Variants in TMEM108 observed in about 807,000 individuals in gnomAD.
The protein encoded by TMEM108 is cancer/testis antigen 124.
Under a neutral mutation model 35.1 loss-of-function variants are expected in TMEM108, and 12 were observed. The ratio of observed to expected loss-of-function variants is 0.34; its 90% CI spans 0.22 to 0.55. The LOEUF is 0.55. Among genes scored for constraint, TMEM108 ranks in the 20% least tolerant of loss-of-function variants. The probability of loss-of-function intolerance (pLI) is 0.89; values close to 1 mark genes in which losing one functional copy is unlikely to be tolerated. For missense variants in TMEM108, 680 were observed against 753.3 expected, an observed-to-expected ratio of 0.90 and a Z score of 1.14; for synonymous variants, 287 against 308.6, an observed-to-expected ratio of 0.93 and a Z score of 0.73.
intron 2 of TMEM108, among the ~76,000 whole-genome samples, chr3:133,146,115 C>G (rs1205124972): frequency 1.3e-5 from 2 of 152,128 alleles, no homozygotes; most frequent in African/African-American, 4.8e-5. Context: ...TCATAAATAG[C>G]TCTTATTGTT....
At chr3:133,108,193 T>C (rs953218396) in intron 2 of TMEM108, among the ~76,000 whole-genome samples, 1 of 152,178 alleles carries the variant, frequency 6.6e-6, no homozygotes, top group Non-Finnish European at 1.5e-5. Flanking sequence ...ATCACACCGC[T>C]GTACTCCAGC....
At chr3:133,114,793 G>A (rs1352941128) in intron 2 of TMEM108, among the ~76,000 whole-genome samples, 2 of 152,094 alleles carry the variant, frequency 1.3e-5, no homozygotes, top group Non-Finnish European at 2.9e-5. Context: ...TACTTTGTAT[G>A]GAGGCCCATT....
chr3:133,325,063 G>T (rs1190877467), intron 3 of TMEM108, among the ~76,000 whole-genome samples: 1 of 152,066 alleles, frequency 6.6e-6, no homozygotes, highest in Non-Finnish European at 1.5e-5. Flanking sequence ...AATTGCAAAG[G>T]TATGGAACCA....
chr3:133,282,743 A>G (rs1159062522), intron 3 of TMEM108, among the ~76,000 whole-genome samples: 1 of 152,200 alleles, frequency 6.6e-6, no homozygotes, highest in East Asian at 1.9e-4. Context: ...CCTCTTTATG[A>G]AAGGTGAAGT....
intron 2 of TMEM108, among the ~76,000 whole-genome samples, chr3:133,117,432 A>G (rs1349181467): frequency 6.6e-6 from 1 of 152,218 alleles, no homozygotes; most frequent in Non-Finnish European, 1.5e-5. Context: ...GAACTGCCCA[A>G]TGGAAGACAA....
chr3:133,241,473 T>A (rs1245282329), intron 3 of TMEM108, among the ~76,000 whole-genome samples: 1 of 152,248 alleles, frequency 6.6e-6, no homozygotes, highest in Admixed American at 6.5e-5. Flanking sequence ...TGAAGATAAA[T>A]CATTTGCCTT....
intron 3 of TMEM108, among the ~76,000 whole-genome samples, chr3:133,316,299 A>G (rs925449103): frequency 6.6e-6 from 1 of 152,240 alleles, no homozygotes; most frequent in Non-Finnish European, 1.5e-5. Flanking sequence ...CCTTCTTTGT[A>G]TAGATATCCT....
At chr3:133,319,311 T>C (rs548956262) in intron 3 of TMEM108, among the ~76,000 whole-genome samples, 1 of 152,270 alleles carries the variant, frequency 6.6e-6, no homozygotes, top group South Asian at 2.1e-4. Flanking sequence ...ACCCTGACCA[T>C]TGCCTCAGAA....
Position 133,229,278 on chromosome 3 carries a change from A to G in TMEM108, c.-34A>G, listed in dbSNP as rs769358224. On this transcript the variant is annotated 5_prime_UTR_variant, in exon 3 of 6. Transcript: ENST00000321871. ...CCCAATTTCCTAGACAGAATCATGA[A>G]TAAACTGGAGGATAAGCAGGACCAG... 1 of 1,604,954 alleles carries G rather than the reference A, an allele frequency of 6.2e-7. No homozygotes were observed. The highest frequency in any genetic ancestry group is 1.1e-5 in the South Asian group (1 of 89,150).
At chr3:133,373,599 C>G (rs1402135945) in intron 3 of TMEM108, among the ~76,000 whole-genome samples, 1 of 152,034 alleles carries the variant, frequency 6.6e-6, no homozygotes, top group African/African-American at 2.4e-5. Context: ...GGAGCTGATA[C>G]CAGAGTCCCA....
At chr3:133,336,317 C>CA (rs768057995) in intron 3 of TMEM108, among the ~76,000 whole-genome samples, 2 of 152,032 alleles carry the variant, frequency 1.3e-5, no homozygotes, top group Non-Finnish European at 2.9e-5. Flanking sequence ...CTCATGGCTC[C>CA]AAAAATGACC....
Position 133,040,989 on chromosome 3 carries a change from G to A in TMEM108, c.-166+2554G>A, listed in dbSNP as rs187720105. On this transcript the variant is annotated intron_variant, in intron 1 of 5. Coordinates refer to ENST00000321871, the MANE Select transcript of TMEM108 (RefSeq NM_023943.4). Reference sequence around the variant, plus strand: ...GTAAGTATAAGAGCCTTCATATTGAGAGGGATCTGAGTACCTTCCTTAGGA... The same window carrying A: ...GTAAGTATAAGAGCCTTCATATTGAAAGGGATCTGAGTACCTTCCTTAGGA... Among the ~76,000 whole-genome samples, 91 of 152,342 alleles carry A rather than the reference G, an allele frequency of 6.0e-4. 2 individuals are homozygous for A. In the Middle Eastern group the frequency reaches 0.031, roughly 51 times the overall value.
intron 2 of TMEM108, among the ~76,000 whole-genome samples, chr3:133,094,474 G>A (rs773353744): frequency 6.6e-5 from 10 of 152,124 alleles, no homozygotes; most frequent in Non-Finnish European, 8.8e-5. Context: ...AAGACCTGAC[G>A]CATAAATAAA....
intron 2 of TMEM108, among the ~76,000 whole-genome samples, chr3:133,210,699 C>T (rs896992828): frequency 3.3e-5 from 5 of 152,164 alleles, no homozygotes; most frequent in African/African-American, 1.2e-4. Flanking sequence ...TCAAAATGTT[C>T]GGAATATCAT....
intron 3 of TMEM108, among the ~76,000 whole-genome samples, chr3:133,311,928 A>G (rs1001160942): frequency 1.3e-5 from 2 of 152,194 alleles, no homozygotes; most frequent in Non-Finnish European, 2.9e-5. Context: ...TGTTGGTGCT[A>G]TTCCTTTCTG....
At chr3:133,142,012 A>T (rs1360257707) in intron 2 of TMEM108, among the ~76,000 whole-genome samples, 1 of 152,116 alleles carries the variant, frequency 6.6e-6, no homozygotes, top group African/African-American at 2.4e-5. Flanking sequence ...TGTGTTGAGT[A>T]TTTAGGAAGG....
chr3:133,389,737 C>T (rs969238004), intron 4 of TMEM108: 6 of 149,988 alleles, frequency 4.0e-5, no homozygotes, highest in African/African-American at 1.2e-4. Flanking sequence ...GTCCAGATGT[C>T]TGGGTTTGCT....
At chr3:133,054,078 C>T (rs987979303) in intron 2 of TMEM108, among the ~76,000 whole-genome samples, 1 of 152,136 alleles carries the variant, frequency 6.6e-6, no homozygotes, top group African/African-American at 2.4e-5. Flanking sequence ...GTGGGGTAGG[C>T]TGAGACCCCA....
At chr3:133,310,893 C>G (rs138508161) in intron 3 of TMEM108, among the ~76,000 whole-genome samples, 17 of 152,250 alleles carry the variant, frequency 1.1e-4, no homozygotes, top group African/African-American at 4.1e-4. Context: ...GTGCTTCCTT[C>G]AGGAGCTCTT....
Sources: gnomAD v4.1 joint callset for allele counts (sites outside exome capture counted in the v4.1 genomes callset) on GRCh38, gnomAD v4.1.1 for gene constraint, MANE v1.5 for transcripts, NCBI Gene and HGNC (gene_info 2026-07-23, HGNC 2026-07-21) for gene names.